Variants in PRH1 observed in about 807,000 individuals in gnomAD.
The protein encoded by PRH1 is salivary acidic proline-rich phosphoprotein 1/2.
PRH1 carries 7 observed loss-of-function variants against 7.9 expected under a neutral mutation model. That is an observed-to-expected ratio of 0.89 (90% CI 0.50 to 1.67). PRH1 has a LOEUF of 1.67. Ranked by LOEUF, PRH1 falls within the 40% of genes most tolerant of loss-of-function variation. The pLI is 0.00. For missense variants in PRH1, 109 were observed against 223.6 expected, an observed-to-expected ratio of 0.49 and a Z score of 3.27; for synonymous variants, 45 against 80.8, an observed-to-expected ratio of 0.56 and a Z score of 2.38.
intron 2 of PRH1, chr12:10,908,095 A>G (rs1949832252): frequency 6.3e-6 from 2 of 317,372 alleles, no homozygotes; most frequent in Non-Finnish European, 1.1e-5. Context: ...TAGATTTACA[A>G]TTAACATCTA....
At chr12:10,964,822 C>T in intron 2 of PRH1, 1 of 561,412 alleles carries the variant, frequency 1.8e-6, no homozygotes, top group Non-Finnish European at 3.3e-6. Context: ...TGGTTACAGT[C>T]ATATCTGAAA....
intron 1 of PRH1, among the ~76,000 whole-genome samples, chr12:11,027,733 G>GA (rs913256202): frequency 1.4e-4 from 21 of 152,194 alleles, no homozygotes; most frequent in African/African-American, 4.6e-4. Flanking sequence ...AAAGATGCTA[G>GA]AACATACATA....
At chr12:11,076,586 A>T (rs1423959050) in intron 1 of PRH1, among the ~76,000 whole-genome samples, 1 of 123,924 alleles carries the variant, frequency 8.1e-6, no homozygotes, top group Non-Finnish European at 1.9e-5. Flanking sequence ...TTAATTCAAA[A>T]AGTGGAATAA....
chr12:11,159,992 A>G (rs1406197255), intron 1 of PRH1, among the ~76,000 whole-genome samples: 1 of 152,220 alleles, frequency 6.6e-6, no homozygotes, highest in Non-Finnish European at 1.5e-5. Context: ...ATGTCTATTT[A>G]TCTTCAGCAT....
At chr12:11,157,455 A>C (rs184205146) in intron 1 of PRH1, among the ~76,000 whole-genome samples, 16 of 152,308 alleles carry the variant, frequency 1.1e-4, no homozygotes, top group African/African-American at 3.1e-4. Context: ...GTGAGGGCTT[A>C]TTTCTGTTTG....
chr12:10,929,934 C>A (rs1357580658), intron 2 of PRH1, among the ~76,000 whole-genome samples: 1 of 152,080 alleles, frequency 6.6e-6, no homozygotes, highest in African/African-American at 2.4e-5. Flanking sequence ...CAAACATAAA[C>A]AACATATTTA....
chr12:10,972,935 C>CCCCCCCCA (rs1555119327), intron 2 of PRH1, among the ~76,000 whole-genome samples: 1 of 123,066 alleles, frequency 8.1e-6, no homozygotes, highest in African/African-American at 3.0e-5. Flanking sequence ...ACAACCCACC[C>CCCCCCCCA]CCCCCGCCCG....
At chr12:10,900,504 C>T (rs189687226) in intron 2 of PRH1, among the ~76,000 whole-genome samples, 26 of 152,028 alleles carry the variant, frequency 1.7e-4, no homozygotes, top group Admixed American at 5.9e-4. Context: ...ACCTCCATGG[C>T]CAGAATTGTG....
chr12:11,140,055 T>C (rs1946661368), intron 1 of PRH1, among the ~76,000 whole-genome samples: 1 of 152,098 alleles, frequency 6.6e-6, no homozygotes, highest in Middle Eastern at 3.4e-3. Flanking sequence ...CATTTATTAA[T>C]AATGCCTTAT....
intron 2 of PRH1, chr12:10,891,852 T>G (rs987177885): frequency 3.3e-5 from 5 of 152,212 alleles, no homozygotes; most frequent in African/African-American, 1.2e-4. Flanking sequence ...CTTAAAAACT[T>G]TGATCACTGT....
chr12:11,094,224 C>T (rs1244810329), intron 1 of PRH1, among the ~76,000 whole-genome samples: 1 of 97,350 alleles, frequency 1.0e-5, no homozygotes, highest in Non-Finnish European at 2.3e-5. Flanking sequence ...ATGGCGTGAA[C>T]CCCGGAGGCG....
intron 2 of PRH1, chr12:10,973,477 C>A (rs1938931392): frequency 4.1e-6 from 2 of 485,120 alleles, no homozygotes; most frequent in Admixed American, 3.7e-5. Context: ...CTACTATCAG[C>A]CTTAGGATAG....
chr12:10,917,083 T>A (rs1203462354), intron 2 of PRH1, among the ~76,000 whole-genome samples: 1 of 151,942 alleles, frequency 6.6e-6, no homozygotes, highest in African/African-American at 2.4e-5. Flanking sequence ...TATGTATACA[T>A]TTAAATATAT....
At chr12:10,963,191 G>A (rs1347156517) in intron 2 of PRH1, among the ~76,000 whole-genome samples, 1 of 151,926 alleles carries the variant, frequency 6.6e-6, no homozygotes, top group Non-Finnish European at 1.5e-5. Context: ...TCATAACTCC[G>A]AGAATTGATA....
At chr12:10,944,986 C>T (rs192178902) in intron 2 of PRH1, among the ~76,000 whole-genome samples, 19 of 152,024 alleles carry the variant, frequency 1.2e-4, no homozygotes, top group African/African-American at 2.4e-4. Flanking sequence ...ATTTTTGCAT[C>T]GATGTCCATC....
chr12:10,930,837 A>T (rs1198462667), intron 2 of PRH1: 1 of 1,613,572 alleles, frequency 6.2e-7, no homozygotes, highest in African/African-American at 1.3e-5. Context: ...GAAAGCCACA[A>T]GGACCACCCC....
At chr12:10,952,700 G>A (rs535623676) in intron 2 of PRH1, among the ~76,000 whole-genome samples, 2 of 152,256 alleles carry the variant, frequency 1.3e-5, no homozygotes, top group African/African-American at 4.8e-5. Context: ...CTCAACAAAT[G>A]ATTCTGGGAA....
intron 1 of PRH1, among the ~76,000 whole-genome samples, chr12:11,033,291 C>T (rs763319614): frequency 6.6e-5 from 10 of 151,950 alleles, no homozygotes; most frequent in Admixed American, 4.6e-4. Flanking sequence ...GGCATGAACC[C>T]GGGAGGCGGA....
At chr12:11,123,976 G>A (rs142547358) in intron 1 of PRH1, among the ~76,000 whole-genome samples, 113 of 152,170 alleles carry the variant, frequency 7.4e-4, no homozygotes, top group Non-Finnish European at 1.3e-3. Flanking sequence ...TTTGTTTTCT[G>A]TTTTAGTATG....
Sources: allele counts gnomAD v4.1 joint callset (sites outside exome capture counted in the v4.1 genomes callset), GRCh38; gene constraint gnomAD v4.1.1; transcripts MANE v1.5; gene names NCBI Gene and HGNC (gene_info 2026-07-23, HGNC 2026-07-21).